Variants in MMP26 observed in about 807,000 individuals in gnomAD.
The protein encoded by MMP26 is matrix metallopeptidase 26, also known as matrix metalloproteinase-26.
In MMP26, 33 loss-of-function variants were observed where a neutral mutation model predicts 31.0. The ratio of observed to expected loss-of-function variants is 1.06; its 90% CI spans 0.81 to 1.42. The LOEUF (loss-of-function observed/expected upper bound fraction) is 1.42. Ranked by LOEUF, MMP26 falls within the 40% of genes most tolerant of loss-of-function variation. MMP26 has a pLI of 0.00. For synonymous variants in MMP26, 122 were observed against 114.9 expected, an observed-to-expected ratio of 1.06 and a Z score of -0.40; for missense variants, 347 against 316.1, an observed-to-expected ratio of 1.10 and a Z score of -0.74.
At chr11:4,898,304 T>C (rs1489836815) in intron 2 of MMP26, among the ~76,000 whole-genome samples, 1 of 152,278 alleles carries the variant, frequency 6.6e-6, no homozygotes. Flanking sequence ...ATTATTTCTC[T>C]ACTTGTATAT....
At chr11:4,843,415 T>C (rs1259861201) in intron 2 of MMP26, among the ~76,000 whole-genome samples, 1 of 152,202 alleles carries the variant, frequency 6.6e-6, no homozygotes, top group Admixed American at 6.5e-5. Context: ...CCTAAACTCT[T>C]GCCTTCTGTA....
At chr11:4,839,362 T>C (rs1446083811) in intron 2 of MMP26, among the ~76,000 whole-genome samples, 1 of 151,598 alleles carries the variant, frequency 6.6e-6, no homozygotes, top group Non-Finnish European at 1.5e-5. Context: ...CTGAGGCTGC[T>C]AAGGGAGTGC....
chr11:4,944,937 T>C (rs1310617170), intron 2 of MMP26: 1 of 152,128 alleles, frequency 6.6e-6, no homozygotes, highest in African/African-American at 2.4e-5. Context: ...ATTCATTCAT[T>C]AGCAATTATT....
At chr11:4,860,293 G>T (rs1345261187) in intron 2 of MMP26, 4 of 471,296 alleles carry the variant, frequency 8.5e-6, no homozygotes, top group South Asian at 6.2e-5. Flanking sequence ...AATCTGAGGG[G>T]CATTAAACCA....
At chr11:4,758,638 C>T (rs1195226398) in intron 1 of MMP26, among the ~76,000 whole-genome samples, 1 of 151,612 alleles carries the variant, frequency 6.6e-6, no homozygotes, top group Middle Eastern at 3.2e-3. Context: ...AAATATAAAA[C>T]CAAAGATATA....
intron 2 of MMP26, chr11:4,924,256 C>A (rs1851235824): frequency 1.9e-6 from 3 of 1,614,130 alleles, no homozygotes; most frequent in Non-Finnish European, 2.5e-6. Flanking sequence ...GAATAGAGAT[C>A]CAGCCATGGA....
At chr11:4,710,316 G>T (rs781427062) in intron 1 of MMP26, 79 of 456,720 alleles carry the variant, frequency 1.7e-4, no homozygotes, top group Admixed American at 9.4e-5. Flanking sequence ...CATCAGTGCA[G>T]TTGCCATCTT....
intron 2 of MMP26, among the ~76,000 whole-genome samples, chr11:4,984,144 G>A (rs900918629): frequency 6.6e-6 from 1 of 152,116 alleles, no homozygotes; most frequent in African/African-American, 2.4e-5. Flanking sequence ...CATTAGAGAG[G>A]TGCGTGTCAA....
intron 2 of MMP26, among the ~76,000 whole-genome samples, chr11:4,842,035 A>G (rs1302651084): frequency 6.6e-6 from 1 of 152,230 alleles, no homozygotes; most frequent in Non-Finnish European, 1.5e-5. Flanking sequence ...AGTACCTAGG[A>G]AAACACAATA....
intron 2 of MMP26, chr11:4,860,655 C>T (rs1850141149): frequency 1.1e-5 from 4 of 358,402 alleles, no homozygotes; most frequent in South Asian, 4.3e-5. Context: ...AGAACAATGG[C>T]TTTATGAATG....
At chr11:4,898,809 A>ATCTC (rs71885228) in intron 2 of MMP26, among the ~76,000 whole-genome samples, 1 of 143,450 alleles carries the variant, frequency 7.0e-6, no homozygotes, top group Non-Finnish European at 1.5e-5. Context: ...AATTTAAGAA[A>ATCTC]TCTCTCTCTC....
intron 2 of MMP26, among the ~76,000 whole-genome samples, chr11:4,938,704 A>G (rs1389303729): frequency 6.6e-6 from 1 of 152,152 alleles, no homozygotes; most frequent in Non-Finnish European, 1.5e-5. Context: ...TTTTGAAGGG[A>G]ACAGCACAGT....
intron 1 of MMP26, among the ~76,000 whole-genome samples, chr11:4,728,349 T>C (rs1848130642): frequency 1.3e-5 from 2 of 152,202 alleles, no homozygotes; most frequent in Admixed American, 1.3e-4. Context: ...TATAGCTGAG[T>C]CCCTCTCTAG....
At chr11:4,984,489 C>T (rs916073944) in intron 2 of MMP26, among the ~76,000 whole-genome samples, 2 of 152,142 alleles carry the variant, frequency 1.3e-5, no homozygotes, top group African/African-American at 4.8e-5. Flanking sequence ...TAAGTATTCA[C>T]TCACTTCTGA....
intron 1 of MMP26, among the ~76,000 whole-genome samples, chr11:4,717,526 G>GT (rs397747424): frequency 0.021 from 3,008 of 145,774 alleles, 105 homozygotes; most frequent in African/African-American, 0.065. Context: ...TTTCCATGTT[G>GT]TTTTTTTTTT....
At chr11:4,848,902 A>AG in intron 2 of MMP26, 1 of 1,614,170 alleles carries the variant, frequency 6.2e-7, no homozygotes, top group Non-Finnish European at 8.5e-7. Flanking sequence ...AGGCAGGCTG[A>AG]GGCAGGGACA....
chr11:4,926,669 A>G (rs1851277857), intron 2 of MMP26, among the ~76,000 whole-genome samples: 1 of 152,194 alleles, frequency 6.6e-6, no homozygotes, highest in Non-Finnish European at 1.5e-5. Context: ...GGTTGCAATC[A>G]TAGTATTCCA....
chr11:4,870,158 A>G (rs1228766137), intron 2 of MMP26, among the ~76,000 whole-genome samples: 4 of 152,178 alleles, frequency 2.6e-5, no homozygotes, highest in Non-Finnish European at 5.9e-5. Flanking sequence ...CTGACATGGC[A>G]CATGTATACA....
chr11:4,717,008 C>T (rs1847942203), intron 1 of MMP26, among the ~76,000 whole-genome samples: 1 of 152,096 alleles, frequency 6.6e-6, no homozygotes, highest in Non-Finnish European at 1.5e-5. Context: ...TTATCTCACA[C>T]TTTAGTGGCA....
Sources: gnomAD v4.1 joint callset for allele counts (sites outside exome capture counted in the v4.1 genomes callset) on GRCh38, gnomAD v4.1.1 for gene constraint, MANE v1.5 for transcripts, NCBI Gene and HGNC (gene_info 2026-07-23, HGNC 2026-07-21) for gene names.